The following GSE1 variants were observed in gnomAD, a reference collection of about 807,000 sequenced individuals.
GSE1 encodes the protein genetic suppressor element 1.
A neutral mutation model predicts 112.6 loss-of-function variants in GSE1; 32 were observed. That is an observed-to-expected ratio of 0.28 (90% CI 0.21 to 0.38). The LOEUF (loss-of-function observed/expected upper bound fraction) is 0.38, where lower values mean the gene tolerates loss of function less well. Among genes scored for constraint, GSE1 ranks in the 10% least tolerant of loss-of-function variants. The pLI, the probability that GSE1 is intolerant of heterozygous loss-of-function variation, is 1.00. For synonymous variants in GSE1, 1,115 were observed against 735.6 expected (o/e 1.52, Z -8.35); for missense variants, 2,348 against 1,699.2 (o/e 1.38, Z -6.71).
chr16:85,669,062 A>T (rs542792509), intron 14 of GSE1, among the ~76,000 whole-genome samples: 2 of 152,300 alleles, frequency 1.3e-5, no homozygotes, highest in East Asian at 3.9e-4. Context: ...CCTGCCAGGG[A>T]GTGGGGCCAC....
intron 1 of GSE1, among the ~76,000 whole-genome samples, chr16:85,189,019 T>C (rs887760215): frequency 4.6e-5 from 7 of 152,186 alleles, no homozygotes; most frequent in African/African-American, 1.4e-4. Context: ...ACCATTGTTA[T>C]AGACACATTT....
At chr16:85,661,831 T>A (rs1472422946) in intron 9 of GSE1, 66 bp downstream of exon 9, 1 of 1,400,894 alleles carries the variant, frequency 7.1e-7, no homozygotes, top group African/African-American at 1.4e-5. Context: ...GGAGCCTGCA[T>A]GCCAGCCACC....
At chr16:85,541,227 C>T (rs2044506582) in intron 2 of GSE1, among the ~76,000 whole-genome samples, 1 of 152,222 alleles carries the variant, frequency 6.6e-6, no homozygotes, top group Non-Finnish European at 1.5e-5. Context: ...GAGAGCTGAC[C>T]ACCTGGGGGT....
chr16:85,575,902 G>GT (rs11331736), intron 1 of GSE1, among the ~76,000 whole-genome samples: 3,209 of 132,502 alleles, frequency 0.024, 66 homozygotes, highest in African/African-American at 0.058. Flanking sequence ...CCTCGTTTCT[G>GT]TTTTTTTTTT....
intron 1 of GSE1, among the ~76,000 whole-genome samples, chr16:85,562,732 C>T (rs963919425): frequency 3.9e-5 from 6 of 152,168 alleles, no homozygotes; most frequent in African/African-American, 9.7e-5. Flanking sequence ...TTGGGGGGAG[C>T]GGTCCCAGGG....
At chr16:85,483,126 C>T (rs1446518085) in intron 2 of GSE1, among the ~76,000 whole-genome samples, 1 of 152,196 alleles carries the variant, frequency 6.6e-6, no homozygotes, top group Non-Finnish European at 1.5e-5. Flanking sequence ...CTATGTGGAT[C>T]AGGTGTATAT....
In GSE1 at chr16:85,616,872, C is replaced by T. The variant is rs115744808; in HGVS notation, c.7+3474C>T. On this transcript the variant is annotated intron_variant, in intron 1 of 15. Coordinates refer to ENST00000253458, the MANE Select transcript of GSE1 (RefSeq NM_014615.5). ...ATTGAGCTCCTCCTCTGAATCCAGC[C>T]GTGTGCTTGCTGCTGGGAGGTGTAC... Among the ~76,000 whole-genome samples the T allele has an allele frequency of 2.9e-3, 444 of 152,232 alleles. 2 individuals carry two copies. Among genetic ancestry groups the T allele is most frequent in the African/African-American group, 9.7e-3 (404 of 41,540 alleles).
At chr16:85,395,034 C>T (rs965219944) in intron 2 of GSE1, among the ~76,000 whole-genome samples, 1 of 152,102 alleles carries the variant, frequency 6.6e-6, no homozygotes, top group East Asian at 1.9e-4. Flanking sequence ...AGGGAAGCAC[C>T]TGGGCATTCT....
intron 1 of GSE1, among the ~76,000 whole-genome samples, chr16:85,560,357 G>A (rs1030314490): frequency 1.3e-5 from 2 of 151,964 alleles, no homozygotes; most frequent in Admixed American, 6.6e-5. Context: ...GGATGGTCTC[G>A]ATCTCTTGAC....
intron 1 of GSE1, among the ~76,000 whole-genome samples, chr16:85,330,725 C>T (rs898920199): frequency 3.3e-5 from 5 of 152,232 alleles, no homozygotes; most frequent in African/African-American, 4.8e-5. Flanking sequence ...CTGCCCGGAT[C>T]CCAGAGTCTG....
At chr16:85,215,870 G>A (rs2075299734) in intron 1 of GSE1, among the ~76,000 whole-genome samples, 1 of 152,162 alleles carries the variant, frequency 6.6e-6, no homozygotes, top group Non-Finnish European at 1.5e-5. Context: ...TGCTGCTTCT[G>A]TTGCAGAACA....
intron 1 of GSE1, among the ~76,000 whole-genome samples, chr16:85,317,248 A>G (rs1183082752): frequency 6.6e-6 from 1 of 152,162 alleles, no homozygotes; most frequent in Non-Finnish European, 1.5e-5. Flanking sequence ...CACTTGCTCC[A>G]TGTCAGGGCT....
At chr16:85,325,544 T>C (rs1227306301) in intron 1 of GSE1, among the ~76,000 whole-genome samples, 1 of 145,496 alleles carries the variant, frequency 6.9e-6, no homozygotes, top group East Asian at 2.1e-4. Flanking sequence ...CTCCGCCTCC[T>C]GGGTTCAAGT....
At chr16:85,558,265 C>T (rs1227192301) in intron 1 of GSE1, among the ~76,000 whole-genome samples, 1 of 152,218 alleles carries the variant, frequency 6.6e-6, no homozygotes. Context: ...TGTCTCCCCC[C>T]GGGTCTGTGG....
At chr16:85,626,568 A>C (rs1435110297) in intron 1 of GSE1, among the ~76,000 whole-genome samples, 2 of 152,214 alleles carry the variant, frequency 1.3e-5, no homozygotes, top group Non-Finnish European at 2.9e-5. Context: ...CCTGAAAGTG[A>C]AGGCCTGCTG....
At chr16:85,653,976 C>A (rs1321427624) in intron 3 of GSE1, among the ~76,000 whole-genome samples, 5 of 152,198 alleles carry the variant, frequency 3.3e-5, no homozygotes, top group Non-Finnish European at 5.9e-5. Flanking sequence ...CTGCATCCTT[C>A]ACCTGCACAC....
intron 2 of GSE1, among the ~76,000 whole-genome samples, chr16:85,370,845 A>T (rs906478552): frequency 1.3e-5 from 2 of 152,184 alleles, no homozygotes; most frequent in African/African-American, 4.8e-5. Context: ...TCTGCTGCCC[A>T]CGGAGTTGAC....
intron 1 of GSE1, among the ~76,000 whole-genome samples, chr16:85,233,261 C>T (rs531230709): frequency 1.3e-5 from 2 of 152,268 alleles, no homozygotes; most frequent in Non-Finnish European, 2.9e-5. Context: ...TGCATCATTT[C>T]GTCTTCTTAA....
At chr16:85,324,655 T>C (rs1029831875) in intron 1 of GSE1, among the ~76,000 whole-genome samples, 2 of 152,170 alleles carry the variant, frequency 1.3e-5, no homozygotes, top group African/African-American at 4.8e-5. Context: ...AAACAAAATC[T>C]GGTCTACCCA....
Sources: gnomAD v4.1 joint callset for allele counts (sites outside exome capture counted in the v4.1 genomes callset) on GRCh38, gnomAD v4.1.1 for gene constraint, MANE v1.5 for transcripts, NCBI Gene and HGNC (gene_info 2026-07-23, HGNC 2026-07-21) for gene names.